Variants in ABLIM3 observed in about 807,000 individuals in gnomAD.
ABLIM3 encodes actin binding LIM protein family member 3, also known as actin-binding LIM protein 3.
Under a neutral mutation model 109.5 loss-of-function variants are expected in ABLIM3, and 61 were observed. That is an observed-to-expected ratio of 0.56 (90% confidence interval 0.45 to 0.69). The LOEUF (loss-of-function observed/expected upper bound fraction) is 0.69, where lower values mean the gene tolerates loss of function less well. Ranked by LOEUF, ABLIM3 falls within the 30% of genes least tolerant of loss-of-function variation. ABLIM3 has a pLI of 0.00. For missense variants in ABLIM3, 796 were observed against 889.5 expected (o/e 0.89, Z 1.34); for synonymous variants, 300 against 324.8 (o/e 0.92, Z 0.82).
intron 3 of ABLIM3, among the ~76,000 whole-genome samples, chr5:149,188,822 A>G (rs1237464718): frequency 1.3e-5 from 2 of 152,210 alleles, no homozygotes; most frequent in African/African-American, 2.4e-5. Context: ...TGCAATCCCT[A>G]TCAAAATCTC....
chr5:149,177,227 C>G (rs1440100891), intron 2 of ABLIM3: 1 of 152,242 alleles, frequency 6.6e-6, no homozygotes, highest in Non-Finnish European at 1.5e-5. Context: ...CAGGCCCTTT[C>G]TGCTCTAAAG....
intron 13 of ABLIM3, chr5:149,240,371 G>A (rs542093593): frequency 2.2e-6 from 1 of 455,724 alleles, no homozygotes; most frequent in Admixed American, 3.5e-5. Context: ...GGAGGTTCAA[G>A]GATGGTTGGG....
chr5:149,239,738 C>G, intron 12 of ABLIM3, 21 bp from the exon 13 acceptor site: 1 of 1,574,752 alleles, frequency 6.4e-7, no homozygotes, highest in Non-Finnish European at 8.6e-7. Context: ...GCCATGCTCA[C>G]AGCCCCATTT....
chr5:149,148,990 G>T (rs1753181636), intron 2 of ABLIM3, among the ~76,000 whole-genome samples: 1 of 152,196 alleles, frequency 6.6e-6, no homozygotes, highest in South Asian at 2.1e-4. Flanking sequence ...GCTTCCTCCT[G>T]CCTCTAGCCC....
intron 8 of ABLIM3, among the ~76,000 whole-genome samples, chr5:149,226,926 C>T (rs934208745): frequency 1.3e-5 from 2 of 151,850 alleles, no homozygotes; most frequent in South Asian, 2.1e-4. Flanking sequence ...CAAAATTAGC[C>T]GGGTGTTGTA....
intron 5 of ABLIM3, among the ~76,000 whole-genome samples, chr5:149,203,331 C>T (rs981815035): frequency 6.6e-6 from 1 of 152,064 alleles, no homozygotes; most frequent in African/African-American, 2.4e-5. Flanking sequence ...CCACCATAAC[C>T]ACCATCATTG....
chr5:149,247,781 G>C lies in ABLIM3; in HGVS notation c.1552-1G>C. ...TTATCTTGCTCTTCCCCGACCCTCA[G>C]CTCCAAAGTGGAATTGGCCGGCTGA... On this transcript the variant is annotated splice_acceptor_variant, in intron 17 of 23. Transcript: ENST00000309868. LOFTEE classifies it high-confidence loss of function. The C allele has an allele frequency of 6.2e-7, 1 of 1,614,218 alleles. No individual in the cohort carries two copies. Among genetic ancestry groups the C allele is most frequent in the Non-Finnish European group, 8.5e-7 (1 of 1,180,038 alleles).
At chr5:149,185,373 G>C (rs1383211725) in intron 3 of ABLIM3, among the ~76,000 whole-genome samples, 1 of 152,164 alleles carries the variant, frequency 6.6e-6, no homozygotes, top group Admixed American at 6.5e-5. Context: ...GGAGCTCCAA[G>C]TACAATGAGA....
chr5:149,143,040 C>T (rs1184409089), intron 2 of ABLIM3, among the ~76,000 whole-genome samples: 1 of 152,060 alleles, frequency 6.6e-6, no homozygotes, highest in East Asian at 1.9e-4. Flanking sequence ...TCAGACTGCT[C>T]ATCTGTATGA....
chr5:149,156,308 C>T, intron 2 of ABLIM3, among the ~76,000 whole-genome samples: 1 of 152,174 alleles, frequency 6.6e-6, no homozygotes, highest in East Asian at 1.9e-4. Context: ...CAGAGAGTTG[C>T]TTTTTACCAG....
chr5:149,154,136 T>G (rs1265830043), intron 2 of ABLIM3, among the ~76,000 whole-genome samples: 1 of 152,214 alleles, frequency 6.6e-6, no homozygotes, highest in East Asian at 1.9e-4. Flanking sequence ...CTCTATCAAG[T>G]GCCAATCTTC....
intron 5 of ABLIM3, among the ~76,000 whole-genome samples, chr5:149,203,319 TACCACCATA>T (rs1308120847): frequency 6.6e-6 from 1 of 151,304 alleles, no homozygotes; most frequent in Non-Finnish European, 1.5e-5. Flanking sequence ...CCATCACTAC[TACCACCATA>T]ACCACCATCA....
chr5:149,208,746 A>G, intron 6 of ABLIM3, among the ~76,000 whole-genome samples: 1 of 152,200 alleles, frequency 6.6e-6, no homozygotes, highest in Non-Finnish European at 1.5e-5. Flanking sequence ...AGGGAAATCC[A>G]GGCGAGGTAC....
intron 10 of ABLIM3, among the ~76,000 whole-genome samples, chr5:149,236,329 G>A (rs1433729843): frequency 1.3e-5 from 2 of 152,156 alleles, no homozygotes; most frequent in Admixed American, 6.5e-5. Context: ...TTCCTATAAA[G>A]TAGTCTTGGC....
chr5:149,170,050 G>T (rs947254639), intron 2 of ABLIM3, among the ~76,000 whole-genome samples: 1 of 151,964 alleles, frequency 6.6e-6, no homozygotes, highest in African/African-American at 2.4e-5. Flanking sequence ...CGTCATGGGG[G>T]TTCGTTGTAC....
intron 4 of ABLIM3, chr5:149,199,045 A>G (rs766358052): frequency 4.2e-5 from 19 of 456,474 alleles, no homozygotes; most frequent in Admixed American, 9.4e-5. Flanking sequence ...TTCTCTCAGG[A>G]CATCTCCAGG....
intron 23 of ABLIM3, among the ~76,000 whole-genome samples, chr5:149,257,031 G>A (rs939142980): frequency 2.6e-5 from 4 of 152,208 alleles, no homozygotes; most frequent in East Asian, 3.8e-4. Context: ...ATGGCCATGC[G>A]CCGTGGCTTA....
At chr5:149,242,681 C>G (rs567830638) in intron 15 of ABLIM3, 143 bp downstream of exon 15, 1 of 862,494 alleles carries the variant, frequency 1.2e-6, no homozygotes, top group African/African-American at 1.7e-5. Context: ...CCCCATCACC[C>G]AGGGTGACAT....
intron 8 of ABLIM3, 63 bp downstream of exon 8, chr5:149,217,109 T>C: frequency 6.9e-7 from 1 of 1,451,142 alleles, no homozygotes; most frequent in South Asian, 1.2e-5. Flanking sequence ...GGAGATGCGA[T>C]CTTCAGGTTC....
Sources: allele counts gnomAD v4.1 joint callset (sites outside exome capture counted in the v4.1 genomes callset), GRCh38; gene constraint gnomAD v4.1.1; transcripts MANE v1.5; gene names NCBI Gene and HGNC (gene_info 2026-07-23, HGNC 2026-07-21).